The following MED13 variants were observed in gnomAD, a reference collection of about 807,000 sequenced individuals.
The protein encoded by MED13 is mediator complex subunit 13.
Under a neutral mutation model 225.2 loss-of-function variants are expected in MED13, and 23 were observed. The ratio of observed to expected loss-of-function variants is 0.10; its 90% CI spans 0.07 to 0.14. MED13 has a LOEUF of 0.14. MED13 is among the 10% of genes least tolerant of loss of function. The probability of loss-of-function intolerance (pLI) is 1.00; values close to 1 mark genes in which losing one functional copy is unlikely to be tolerated. For synonymous variants in MED13, 942 were observed against 889.2 expected (o/e 1.06, Z -1.06); for missense variants, 2,197 against 2,594.5 (o/e 0.85, Z 3.33).
In MED13 at chr17:61,993,950, A is replaced by AAC. The variant is rs1474763524; in HGVS notation, c.2181+1201_2181+1202insGT. On this transcript the variant is annotated intron_variant, in intron 10 of 29. Transcript: ENST00000397786. Reference sequence around the variant, plus strand: ...CCGTCTCAAAACAAACAAACAAACAAAAAAAAAAACTCACACGTATTATTG... The same window carrying AAC: ...CCGTCTCAAAACAAACAAACAAACAAACAAAAAAAAACTCACACGTATTATTG... Among the ~76,000 whole-genome samples the AAC allele has an allele frequency of 6.2e-5, 4 of 64,286 alleles. No homozygotes were observed. In the East Asian group the frequency reaches 1.5e-3, roughly 24 times the overall value. The allele number at this position is 64,286 out of a possible 152,430, so 42.2% of individuals were successfully genotyped here.
chr17:61,967,906 T>C (rs2080073158), intron 18 of MED13, 129 bp downstream of exon 18: 4 of 697,604 alleles, frequency 5.7e-6, no homozygotes, highest in Non-Finnish European at 9.5e-6. Context: ...AACTGGCTAG[T>C]ATGAGAAATA....
At chr17:62,031,796 CTTTTTT>C (rs201086493) in intron 5 of MED13, among the ~76,000 whole-genome samples, 158 bp from the exon 6 acceptor site, 1 of 144,690 alleles carries the variant, frequency 6.9e-6, no homozygotes, top group Non-Finnish European at 1.5e-5. Flanking sequence ...TTTTTCTTTT[CTTTTTT>C]TTTTTTCTCT....
intron 8 of MED13, 54 bp from the exon 9 acceptor site, chr17:62,011,287 T>C: frequency 6.9e-7 from 1 of 1,458,784 alleles, no homozygotes; most frequent in Non-Finnish European, 9.3e-7. Flanking sequence ...TATGGCGAAG[T>C]ATAATACCAG....
intron 2 of MED13, among the ~76,000 whole-genome samples, chr17:62,054,646 C>A (rs1195572356): frequency 1.3e-5 from 2 of 152,090 alleles, no homozygotes; most frequent in Non-Finnish European, 2.9e-5. Flanking sequence ...AATTGATCTG[C>A]TTTCAATTTA....
intron 16 of MED13, among the ~76,000 whole-genome samples, chr17:61,975,704 G>C (rs868798012): frequency 6.6e-6 from 1 of 151,882 alleles, no homozygotes; most frequent in African/African-American, 2.4e-5. Context: ...CTGGATGACA[G>C]AGTGAGACTC....
At chr17:61,980,052 G>C (rs1260716214) in intron 16 of MED13, among the ~76,000 whole-genome samples, 1 of 152,104 alleles carries the variant, frequency 6.6e-6, no homozygotes, top group African/African-American at 2.4e-5. Flanking sequence ...AGCCGGGTGT[G>C]GTGGCGTGCA....
intron 3 of MED13, among the ~76,000 whole-genome samples, chr17:62,050,255 G>A (rs1451729867): frequency 6.6e-6 from 1 of 151,824 alleles, no homozygotes; most frequent in Non-Finnish European, 1.5e-5. Context: ...CTACTCAGGA[G>A]GCTGAGGCAG....
At chr17:61,965,895 T>TTA (rs1437707268) in intron 19 of MED13, among the ~76,000 whole-genome samples, 1 of 152,334 alleles carries the variant, frequency 6.6e-6, no homozygotes, top group East Asian at 1.9e-4. Flanking sequence ...GAATGTCTAA[T>TTA]GAGATTCAAT....
Position 62,029,628 on chromosome 17 carries a change from C to G in MED13, c.1196G>C (p.Gly399Ala), listed in dbSNP as rs762575554. 6.2e-7 allele frequency: 1 copy of G among 1,613,486 alleles called. No homozygotes were observed. The highest frequency in any genetic ancestry group is 1.3e-5 in the African/African-American group (1 of 74,900). ...AGCTGTCGCTTCTTCGCATAGACCA[C>G]CTGATGAAGCAGAATACTTCCTCCT... is the stretch of plus-strand genomic sequence containing the variant. The part of the protein sequence containing the change: ...QNKRKYSASS[G>A]GLCEEATAAK... The change falls in exon 8 of 30, where the codon GGT (glycine) becomes GCT (alanine). Residue 399 changes from glycine (G) to alanine (A), a missense_variant. Physicochemically the swap from Gly to Ala is moderately conservative, Grantham distance 60. This residue lies in a region of MED13 where 884 missense variants were observed against 918.5 expected (regional missense o/e 0.96). Coordinates refer to ENST00000397786, the MANE Select transcript of MED13 (RefSeq NM_005121.3).
intron 8 of MED13, among the ~76,000 whole-genome samples, chr17:62,013,166 A>C (rs559645987): frequency 6.6e-6 from 1 of 152,326 alleles, no homozygotes; most frequent in South Asian, 2.1e-4. Flanking sequence ...TATCAAAAAA[A>C]ACCAAACTCG....
At chr17:61,951,825 ATCCT>A (rs1208571115) in intron 27 of MED13, among the ~76,000 whole-genome samples, 10 of 152,342 alleles carry the variant, frequency 6.6e-5, no homozygotes, top group African/African-American at 2.4e-4. Context: ...GACTGGAAAG[ATCCT>A]TCCTTACTTT....
intron 8 of MED13, among the ~76,000 whole-genome samples, chr17:62,016,531 G>A (rs2080583209): frequency 1.3e-5 from 2 of 152,106 alleles, no homozygotes; most frequent in African/African-American, 2.4e-5. Flanking sequence ...TCCAATAATG[G>A]TAGCCACAAG....
rs756985298 is a variant in MED13 at position 61,982,852 on chromosome 17, A to G, written c.3151T>C (p.Cys1051Arg). The G allele has an allele frequency of 1.9e-6, 3 of 1,614,082 alleles. No individual in the cohort carries two copies. The African/African-American group carries it at 4.0e-5, about 22-fold the overall frequency. Residue 1051 changes from cysteine to arginine, a missense_variant, in exon 16 of 30, where the codon TGC becomes CGC. This residue lies in a region of MED13 where 99 missense variants were observed against 158.5 expected (regional missense o/e 0.62). Coordinates refer to ENST00000397786, the MANE Select transcript of MED13 (RefSeq NM_005121.3). ...GGTTCAACAGAATTAAGGGGTCTGCATGTAGATGGGGTAGAAGCTGGTGAA... is the reference window on the plus strand; with the variant it reads ...GGTTCAACAGAATTAAGGGGTCTGCGTGTAGATGGGGTAGAAGCTGGTGAA... ...LYSPASTPSTCRPLNSVEPAT... is the reference protein window; with the variant it reads ...LYSPASTPSTRRPLNSVEPAT...
At chr17:61,988,605 G>A (rs11869571) in intron 11 of MED13, among the ~76,000 whole-genome samples, 4 of 152,164 alleles carry the variant, frequency 2.6e-5, no homozygotes, top group Non-Finnish European at 4.4e-5. Context: ...CCAGAATGTA[G>A]CATATGTCTC....
intron 12 of MED13, among the ~76,000 whole-genome samples, chr17:61,985,609 T>C (rs1192274066): frequency 6.6e-6 from 1 of 152,170 alleles, no homozygotes; most frequent in Non-Finnish European, 1.5e-5. Flanking sequence ...AGGCAGAGGT[T>C]GCAGTGAGCC....
At position 62,029,694 on chromosome 17, in the gene MED13, T is replaced by A. The variant is rs200896294; in HGVS notation, c.1173-43A>T. 3,382 of 1,577,410 alleles carry A rather than the reference T, an allele frequency of 2.1e-3. 5 individuals carry two copies. The highest frequency in any genetic ancestry group is 2.5e-3 in the Non-Finnish European group (2,899 of 1,154,960). On this transcript the variant is annotated intron_variant, in intron 7 of 29. Coordinates refer to ENST00000397786, the MANE Select transcript of MED13 (RefSeq NM_005121.3). ...AAAATTCTTTAAAATTCATAAAATT[T>A]TCTATCAAACCTCAATGTAGCATTG...
intron 17 of MED13, among the ~76,000 whole-genome samples, chr17:61,969,211 C>T (rs927349208): frequency 1.3e-5 from 2 of 152,134 alleles, no homozygotes; most frequent in Admixed American, 6.5e-5. Context: ...CAAAATTAGC[C>T]GGGCATGGTG....
chr17:61,975,716 G>A (rs2080149656), intron 16 of MED13, among the ~76,000 whole-genome samples: 1 of 152,000 alleles, frequency 6.6e-6, no homozygotes, highest in African/African-American at 2.4e-5. Flanking sequence ...GTGAGACTCT[G>A]TCTCAAAACA....
At chr17:61,951,252 C>A (rs773894532) in intron 27 of MED13, among the ~76,000 whole-genome samples, 1 of 152,254 alleles carries the variant, frequency 6.6e-6, no homozygotes, top group South Asian at 2.1e-4. Flanking sequence ...GCCAAGTTCA[C>A]GGGAAAGTTT....
Sources: gnomAD v4.1 joint callset for allele counts (sites outside exome capture counted in the v4.1 genomes callset) on GRCh38, gnomAD v4.1.1 for gene constraint, gnomAD v4.1.1 regional missense constraint, MANE v1.5 for transcripts, NCBI Gene and HGNC (gene_info 2026-07-23, HGNC 2026-07-21) for gene names.